The following OPCML variants were observed in gnomAD, a reference collection of about 807,000 sequenced individuals.
The protein encoded by OPCML is opioid binding protein/cell adhesion molecule like, also known as opioid-binding protein/cell adhesion molecule.
A neutral mutation model predicts 37.8 loss-of-function variants in OPCML; 13 were observed. The observed-to-expected ratio is 0.34, with a 90% confidence interval of 0.22 to 0.55. OPCML has a LOEUF of 0.55. Ranked by LOEUF, OPCML falls within the 20% of genes least tolerant of loss-of-function variation. OPCML has a pLI of 0.91. For synonymous variants in OPCML, 176 were observed against 168.8 expected (o/e 1.04, Z -0.33); for missense variants, 341 against 435.6 (o/e 0.78, Z 1.93).
chr11:133,530,707 A>G (rs964176067), intron 1 of OPCML, among the ~76,000 whole-genome samples: 7 of 152,358 alleles, frequency 4.6e-5, no homozygotes, highest in Non-Finnish European at 7.3e-5. Context: ...TGGTCAGCCT[A>G]AAACAAACAG....
At chr11:132,670,938 T>C (rs1942447649) in intron 2 of OPCML, among the ~76,000 whole-genome samples, 1 of 152,138 alleles carries the variant, frequency 6.6e-6, no homozygotes, top group Non-Finnish European at 1.5e-5. Flanking sequence ...ATCCATCTCT[T>C]CCAATCACAA....
At chr11:132,894,433 T>C (rs1943760851) in intron 2 of OPCML, among the ~76,000 whole-genome samples, 2 of 152,204 alleles carry the variant, frequency 1.3e-5, no homozygotes, top group Admixed American at 6.5e-5. Flanking sequence ...TTATCCTCCA[T>C]AGAGCTAATC....
At chr11:132,484,034 A>G (rs2096190660) in intron 4 of OPCML, among the ~76,000 whole-genome samples, 1 of 152,194 alleles carries the variant, frequency 6.6e-6, no homozygotes. Flanking sequence ...AAAACACCAA[A>G]AGCAATGGCA....
intron 1 of OPCML, among the ~76,000 whole-genome samples, chr11:133,003,149 G>A (rs1298352342): frequency 1.3e-5 from 2 of 152,188 alleles, no homozygotes; most frequent in African/African-American, 2.4e-5. Context: ...TGTCATCAAT[G>A]GTATTGTATC....
rs2095949435 is a variant in OPCML, at chr11:132,419,342, A to C, written c.*851T>G. The C allele has an allele frequency of 6.6e-6, 1 of 152,204 alleles. No individual in the cohort carries two copies. Among genetic ancestry groups the C allele is most frequent in the African/African-American group, 2.4e-5 (1 of 41,448 alleles). The allele number at this position is 152,204 out of a possible 1,614,324, so 9.4% of individuals were successfully genotyped here. A position where few individuals can be genotyped will look rare whatever the true frequency, so the allele number is the denominator to read the frequency against. On this transcript the variant is annotated 3_prime_UTR_variant, in exon 8 of 8. Transcript: ENST00000524381. ...GGGTAGATAATTGGATGGTGAGATA[A>C]ATCAGATATTTGAGTAGATGGGTAA... is the stretch of plus-strand genomic sequence containing the variant.
rs575086443 is a variant in OPCML at position 132,851,413 on chromosome 11, A to C, written c.146+91513T>G. 4.9e-4 allele frequency among the ~76,000 whole-genome samples: 74 copies of C among 152,312 alleles called. 1 individual carries two copies. Among genetic ancestry groups the C allele is most frequent in the African/African-American group, 1.7e-3 (70 of 41,580 alleles). ...GAAGAACCCCAGGTCTAGAGAGGCA[A>C]GGGCTGCCATACTAAGAGGCTCTGC... On this transcript the variant is annotated intron_variant, in intron 2 of 7. Coordinates refer to ENST00000524381, the MANE Select transcript of OPCML (RefSeq NM_001012393.5).
chr11:132,643,090 A>G (rs1414599335), intron 3 of OPCML, among the ~76,000 whole-genome samples: 2 of 152,008 alleles, frequency 1.3e-5, no homozygotes, highest in African/African-American at 4.8e-5. Flanking sequence ...AATATTTTAA[A>G]AAGTTCATTC....
chr11:132,744,894 G>A (rs1401613408), intron 2 of OPCML, among the ~76,000 whole-genome samples: 1 of 152,126 alleles, frequency 6.6e-6, no homozygotes, highest in African/African-American at 2.4e-5. Context: ...GCAAGCTCGA[G>A]GAAGTGAACG....
intron 2 of OPCML, among the ~76,000 whole-genome samples, chr11:132,694,179 C>CCTTT (rs1943514384): frequency 1.2e-4 from 5 of 42,978 alleles, no homozygotes; most frequent in Admixed American, 4.0e-4. Context: ...AAATCAATGT[C>CCTTT]TTTTTTTTTT....
At chr11:133,070,452 G>A (rs369721174) in intron 1 of OPCML, among the ~76,000 whole-genome samples, 2 of 152,128 alleles carry the variant, frequency 1.3e-5, no homozygotes, top group African/African-American at 2.4e-5. Flanking sequence ...GCATCGCCTG[G>A]GAGAAAGTGA....
At chr11:133,145,764 C>T (rs764264512) in intron 1 of OPCML, among the ~76,000 whole-genome samples, 35 of 152,078 alleles carry the variant, frequency 2.3e-4, no homozygotes, top group Non-Finnish European at 4.4e-4. Context: ...AGCTGTGTGC[C>T]GGAGGGGTCA....
chr11:132,583,923 A>AT (rs987289102), intron 3 of OPCML, among the ~76,000 whole-genome samples: 5 of 151,920 alleles, frequency 3.3e-5, no homozygotes, highest in African/African-American at 1.2e-4. Flanking sequence ...CTATAGGCTG[A>AT]TTTTTTTTAT....
intron 1 of OPCML, among the ~76,000 whole-genome samples, chr11:133,113,977 TG>T (rs989272313): frequency 1.3e-5 from 2 of 152,216 alleles, no homozygotes; most frequent in African/African-American, 4.8e-5. Context: ...GCCTCATGCT[TG>T]GGAAGACGCT....
chr11:133,478,355 G>A (rs1459263915), intron 1 of OPCML, among the ~76,000 whole-genome samples: 1 of 152,150 alleles, frequency 6.6e-6, no homozygotes, highest in Non-Finnish European at 1.5e-5. Context: ...TTTTAGCGAG[G>A]AAGAGGTTTG....
intron 1 of OPCML, among the ~76,000 whole-genome samples, chr11:133,153,419 C>T (rs1950015069): frequency 6.6e-6 from 1 of 152,170 alleles, no homozygotes; most frequent in Non-Finnish European, 1.5e-5. Flanking sequence ...CAGCTATTTG[C>T]GTCCACACGG....
intron 2 of OPCML, among the ~76,000 whole-genome samples, chr11:132,675,130 G>A (rs1375261877): frequency 6.6e-6 from 1 of 150,858 alleles, no homozygotes; most frequent in Non-Finnish European, 1.5e-5. Context: ...GCCATGCCTA[G>A]AAGTATGACA....
intron 1 of OPCML, among the ~76,000 whole-genome samples, chr11:132,996,582 G>A (rs1213426076): frequency 6.8e-6 from 1 of 146,214 alleles, no homozygotes; most frequent in Non-Finnish European, 1.5e-5. Flanking sequence ...TTGCGCCACT[G>A]CACTCCAGCC....
chr11:133,296,798 T>C (rs2136554576), intron 1 of OPCML, among the ~76,000 whole-genome samples: 1 of 152,364 alleles, frequency 6.6e-6, no homozygotes, highest in South Asian at 2.1e-4. Flanking sequence ...AGAAATGAAA[T>C]TATTATAATT....
chr11:132,645,918 T>C (rs1411778147), intron 3 of OPCML, among the ~76,000 whole-genome samples: 2 of 152,242 alleles, frequency 1.3e-5, no homozygotes, highest in Admixed American at 6.5e-5. Flanking sequence ...TACTGCTTTC[T>C]GTAGGATTTG....
Sources: gnomAD v4.1 joint callset for allele counts (sites outside exome capture counted in the v4.1 genomes callset) on GRCh38, gnomAD v4.1.1 for gene constraint, MANE v1.5 for transcripts, NCBI Gene and HGNC (gene_info 2026-07-23, HGNC 2026-07-21) for gene names.